ATG7: variants seen among roughly 807,000 people sequenced by gnomAD.
ATG7 encodes the protein ubiquitin-like modifier-activating enzyme ATG7.
ATG7 carries 70 observed loss-of-function variants against 82.4 expected under a neutral mutation model. That is an observed-to-expected ratio of 0.85 (90% confidence interval 0.70 to 1.04). ATG7 has a LOEUF of 1.04. ATG7 is among the 50% of genes least tolerant of loss of function. The pLI, the probability that ATG7 is intolerant of heterozygous loss-of-function variation, is 0.00. For missense variants in ATG7, 792 were observed against 864.3 expected (o/e 0.92, Z 1.05); for synonymous variants, 287 against 313.0 (o/e 0.92, Z 0.88).
Position 11,340,753 on chromosome 3 carries a change from T to A in ATG7, c.980+18T>A. 6.2e-7 allele frequency: 1 copy of A among 1,608,080 alleles called. No individual in the cohort carries two copies. The highest frequency in any genetic ancestry group is 8.5e-7 in the Non-Finnish European group (1 of 1,175,534). Reference sequence around the variant, plus strand: ...CCTAAAAGGTATATTTGGGAAGCTGTTTTCTCCAGTCGGGCTTTTTGTAAC... The same window carrying A: ...CCTAAAAGGTATATTTGGGAAGCTGATTTCTCCAGTCGGGCTTTTTGTAAC... On this transcript the variant is annotated intron_variant, in intron 12 of 20. Transcript: ENST00000693202.
chr3:11,413,270 T>G (rs2081076054), intron 19 of ATG7, among the ~76,000 whole-genome samples: 1 of 152,198 alleles, frequency 6.6e-6, no homozygotes, highest in Admixed American at 6.5e-5. Context: ...GCGTTCCTTC[T>G]TTCATCACTG....
At chr3:11,465,375 G>T (rs994481103) in intron 20 of ATG7, among the ~76,000 whole-genome samples, 2 of 150,908 alleles carry the variant, frequency 1.3e-5, no homozygotes, top group African/African-American at 4.9e-5. Flanking sequence ...AATCCAGGAG[G>T]CAAAGCTTGC....
At chr3:11,544,612 T>C (rs2071114679) in intron 20 of ATG7, among the ~76,000 whole-genome samples, 2 of 152,226 alleles carry the variant, frequency 1.3e-5, no homozygotes, top group Admixed American at 1.3e-4. Context: ...ATGCTCACAG[T>C]GCTTGCCCCC....
At chr3:11,306,486 G>A (rs1324585517) in intron 5 of ATG7, among the ~76,000 whole-genome samples, 1 of 152,222 alleles carries the variant, frequency 6.6e-6, no homozygotes, top group Non-Finnish European at 1.5e-5. Flanking sequence ...GAGAGGTGGC[G>A]TAGGCACAGC....
chr3:11,481,278 C>CT (rs935090988), intron 20 of ATG7, among the ~76,000 whole-genome samples: 1 of 152,174 alleles, frequency 6.6e-6, no homozygotes, highest in African/African-American at 2.4e-5. Context: ...GCACTTAACG[C>CT]TACTGAACTG....
intron 20 of ATG7, among the ~76,000 whole-genome samples, chr3:11,491,051 A>G (rs1235042072): frequency 6.6e-6 from 1 of 152,168 alleles, no homozygotes; most frequent in Non-Finnish European, 1.5e-5. Flanking sequence ...CTCCTGAATA[A>G]TATCCTGCAG....
At chr3:11,456,256 C>T (rs1291777813) in intron 20 of ATG7, among the ~76,000 whole-genome samples, 1 of 152,178 alleles carries the variant, frequency 6.6e-6, no homozygotes, top group Non-Finnish European at 1.5e-5. Flanking sequence ...GCTCTTGTGA[C>T]TGGCATCTTC....
intron 18 of ATG7, among the ~76,000 whole-genome samples, chr3:11,378,676 C>G (rs909535996): frequency 4.3e-5 from 3 of 70,328 alleles, no homozygotes; most frequent in African/African-American, 2.3e-4. Flanking sequence ...CAGAGTGAGA[C>G]TCCATCTCCA....
intron 19 of ATG7, among the ~76,000 whole-genome samples, chr3:11,405,785 G>C (rs187198086): frequency 6.6e-6 from 1 of 151,748 alleles, no homozygotes; most frequent in Non-Finnish European, 1.5e-5. Flanking sequence ...ATGTCACCAC[G>C]CCTGGATAAT....
intron 20 of ATG7, among the ~76,000 whole-genome samples, chr3:11,544,495 G>C (rs2071104585): frequency 6.6e-6 from 1 of 152,228 alleles, no homozygotes; most frequent in South Asian, 2.1e-4. Context: ...CTCTGGCCCA[G>C]AGCCAACCCA....
chr3:11,347,275 A>G (rs2152786587), intron 13 of ATG7, among the ~76,000 whole-genome samples: 1 of 152,374 alleles, frequency 6.6e-6, no homozygotes, highest in South Asian at 2.1e-4. Flanking sequence ...TGGTTTTATA[A>G]AACTGTTATA....
chr3:11,277,869 C>A (rs939661930), intron 1 of ATG7, among the ~76,000 whole-genome samples: 5 of 147,400 alleles, frequency 3.4e-5, no homozygotes, highest in Non-Finnish European at 5.9e-5. Flanking sequence ...AAGACAGACA[C>A]TCCCAGAGCG....
chr3:11,333,905 G>A (rs1328278570), intron 11 of ATG7, among the ~76,000 whole-genome samples: 2 of 151,694 alleles, frequency 1.3e-5, no homozygotes, highest in Non-Finnish European at 2.9e-5. Flanking sequence ...CCACTACCAC[G>A]CCCGGATAAT....
At chr3:11,515,875 T>C (rs1179477963) in intron 20 of ATG7, among the ~76,000 whole-genome samples, 1 of 152,048 alleles carries the variant, frequency 6.6e-6, no homozygotes, top group Non-Finnish European at 1.5e-5. Flanking sequence ...AAAGCAGTGC[T>C]GTGGGGCTTG....
the ATG7 span, among the ~76,000 whole-genome samples, chr3:11,565,976 G>A: frequency 6.6e-6 from 1 of 152,252 alleles, no homozygotes; most frequent in African/African-American, 2.4e-5. The surrounding 1 kb of genome is among the most constrained non-coding windows in gnomAD (Gnocchi z 4.1). Context: ...TAACTCATGA[G>A]CTGGTCATTT....
chr3:11,274,786 T>C (rs141459586), intron 1 of ATG7, among the ~76,000 whole-genome samples: 2 of 152,128 alleles, frequency 1.3e-5, no homozygotes, highest in East Asian at 3.9e-4. Flanking sequence ...CGAGGTGATA[T>C]GTTACTCACT....
intron 15 of ATG7, among the ~76,000 whole-genome samples, chr3:11,359,797 A>T (rs2076173119): frequency 6.6e-6 from 1 of 152,204 alleles, no homozygotes; most frequent in Non-Finnish European, 1.5e-5. Flanking sequence ...TACCAAAAAA[A>T]TTCTATGTGA....
chr3:11,462,752 T>C (rs1456017080), intron 20 of ATG7, among the ~76,000 whole-genome samples: 1 of 152,156 alleles, frequency 6.6e-6, no homozygotes, highest in Non-Finnish European at 1.5e-5. Flanking sequence ...AGGGGCAGTC[T>C]TCCCAGCTAG....
At chr3:11,369,043 ACT>A (rs1455947186) in intron 18 of ATG7, among the ~76,000 whole-genome samples, 1 of 150,648 alleles carries the variant, frequency 6.6e-6, no homozygotes, top group East Asian at 1.9e-4. Flanking sequence ...GCCTGGGAAA[ACT>A]CTAATTGAGT....
Sources: gnomAD v4.1 joint callset for allele counts (sites outside exome capture counted in the v4.1 genomes callset) on GRCh38, gnomAD v4.1.1 for gene constraint, Gnocchi (gnomAD v3.1) non-coding constraint, MANE v1.5 for transcripts, NCBI Gene and HGNC (gene_info 2026-07-23, HGNC 2026-07-21) for gene names.